Variants in NIPSNAP3A observed in about 807,000 individuals in gnomAD.
NIPSNAP3A encodes protein NipSnap homolog 3A.
NIPSNAP3A carries 27 observed loss-of-function variants against 32.3 expected under a neutral mutation model. The ratio of observed to expected loss-of-function variants is 0.84; its 90% confidence interval spans 0.62 to 1.15. NIPSNAP3A has a LOEUF of 1.15. Ranked by LOEUF, NIPSNAP3A falls within the 50% of genes most tolerant of loss-of-function variation. The pLI, the probability that NIPSNAP3A is intolerant of heterozygous loss-of-function variation, is 0.00. For synonymous variants in NIPSNAP3A, 108 were observed against 107.3 expected (o/e 1.01, Z -0.04); for missense variants, 278 against 297.2 (o/e 0.94, Z 0.48).
intron 4 of NIPSNAP3A, among the ~76,000 whole-genome samples, chr9:104,755,679 T>C (rs749870592): frequency 6.2e-4 from 94 of 152,212 alleles, no homozygotes; most frequent in Non-Finnish European, 1.1e-3. Context: ...CCAGCGCTTT[T>C]GGGAGGCTGA....
chr9:104,759,285 G>A lies in NIPSNAP3A; in HGVS notation c.691G>A (p.Val231Ile). Residue 231 changes from valine (V) to isoleucine (I), a missense_variant, in exon 6 of 6, where the codon GTA (valine) becomes ATA (isoleucine). Physicochemically the swap from Val to Ile is conservative, Grantham distance 29 (BLOSUM62 3). Coordinates refer to ENST00000374767, the MANE Select transcript of NIPSNAP3A (RefSeq NM_015469.3). ...AGTTCGGGAAAGTGTCAACTACCTAGTATCTCAGCAGAATATGCTTCTGAT... is the reference window on the plus strand; with the variant it reads ...AGTTCGGGAAAGTGTCAACTACCTAATATCTCAGCAGAATATGCTTCTGAT... ...AAVRESVNYL[V>I]SQQNMLLIPT... The A allele has an allele frequency of 6.2e-7, 1 of 1,614,098 alleles. No homozygotes were observed. The highest frequency in any genetic ancestry group is 8.5e-7 in the Non-Finnish European group (1 of 1,180,020).
chr9:104,751,576 T>G (rs1374818647), intron 2 of NIPSNAP3A, among the ~76,000 whole-genome samples: 3 of 152,188 alleles, frequency 2.0e-5, no homozygotes, highest in Non-Finnish European at 4.4e-5. Flanking sequence ...CTTTTCTCTT[T>G]TTGAAGCTAG....
chr9:104,753,132 C>G, intron 3 of NIPSNAP3A, 68 bp downstream of exon 3: 1 of 1,263,782 alleles, frequency 7.9e-7, no homozygotes, highest in Non-Finnish European at 1.2e-6. Flanking sequence ...GTGATCAAAA[C>G]TGAAGTTCCT....
At chr9:104,750,473 T>C (rs1827834791) in intron 1 of NIPSNAP3A, among the ~76,000 whole-genome samples, 1 of 152,182 alleles carries the variant, frequency 6.6e-6, no homozygotes, top group South Asian at 2.1e-4. Flanking sequence ...ACCTAAGGAC[T>C]TCCTAGAACT....
rs543447661 is a variant in NIPSNAP3A at position 104,759,755 on chromosome 9, GT to G, written c.*425del. ...CCTTTCCATCATGTCTGTTTTCCTG[GT>G]TTTTTTTGGTTGTTTTTTGACCAGT... On this transcript the variant is annotated 3_prime_UTR_variant, in exon 6 of 6. Transcript: ENST00000374767. 720 of 157,390 alleles carry G rather than the reference GT, an allele frequency of 4.6e-3. 5 individuals carry two copies. The highest frequency in any genetic ancestry group is 0.016 in the African/African-American group (679 of 41,378). 9.7% of individuals were successfully genotyped at this position (157,390 alleles called of 1,614,324 possible).
At chr9:104,757,216 G>A (rs1244224050) in intron 4 of NIPSNAP3A, among the ~76,000 whole-genome samples, 1 of 152,066 alleles carries the variant, frequency 6.6e-6, no homozygotes. Flanking sequence ...TTGGTAATCA[G>A]TACATCATTT....
At chr9:104,757,846 G>A in intron 4 of NIPSNAP3A, among the ~76,000 whole-genome samples, 1 of 151,910 alleles carries the variant, frequency 6.6e-6, no homozygotes, top group East Asian at 1.9e-4. Context: ...GAGGCTAGGA[G>A]TTCGAGACCA....
chr9:104,751,648 G>A (rs1827850163), intron 2 of NIPSNAP3A, among the ~76,000 whole-genome samples: 1 of 152,114 alleles, frequency 6.6e-6, no homozygotes, highest in Non-Finnish European at 1.5e-5. Flanking sequence ...TCACAATATG[G>A]AGGTTTATAG....
Position 104,759,259 on chromosome 9 carries a change from C to G in NIPSNAP3A, c.668-3C>G. On this transcript the variant is annotated splice_polypyrimidine_tract_variant and splice_region_variant and intron_variant, in intron 5 of 5. Transcript: ENST00000374767. ...TATGCCTTTCTATGAAATGTTTTTC[C>G]AGTTCGGGAAAGTGTCAACTACCTA... The G allele has an allele frequency of 6.2e-7, 1 of 1,613,996 alleles. No individual in the cohort carries two copies. Among genetic ancestry groups the G allele is most frequent in the Non-Finnish European group, 8.5e-7 (1 of 1,179,986 alleles).
In NIPSNAP3A at chr9:104,754,576, G is replaced by C. The variant is rs370954403; in HGVS notation, c.456G>C (p.Gln152His). Reference sequence around the variant, plus strand: ...GAGTCTATGAACTGGCCACTTTTCAGATGAAACCTGGTGGGCCAGCTCTGT... The same window carrying C: ...GAGTCTATGAACTGGCCACTTTTCACATGAAACCTGGTGGGCCAGCTCTGT... ...KEGVYELATF[Q>H]MKPGGPALWG... The change falls in exon 4 of 6, where the codon CAG (glutamine) becomes CAC (histidine). Residue 152 changes from glutamine to histidine, a missense_variant. Gln to His is a conservative substitution (Grantham distance 24, BLOSUM62 0). Coordinates refer to ENST00000374767, the MANE Select transcript of NIPSNAP3A (RefSeq NM_015469.3). 2 of 1,613,926 alleles carry C rather than the reference G, an allele frequency of 1.2e-6. No individual in the cohort carries two copies. The highest frequency in any genetic ancestry group is 1.7e-6 in the Non-Finnish European group (2 of 1,180,012).
intron 4 of NIPSNAP3A, among the ~76,000 whole-genome samples, chr9:104,755,010 G>T (rs1409378774): frequency 6.6e-6 from 1 of 152,006 alleles, no homozygotes; most frequent in East Asian, 1.9e-4. Context: ...GGAGGCTGAG[G>T]GGGTGGATCA....
chr9:104,748,498 G>A (rs1371720858), intron 1 of NIPSNAP3A, among the ~76,000 whole-genome samples: 1 of 152,194 alleles, frequency 6.6e-6, no homozygotes, highest in East Asian at 1.9e-4. Flanking sequence ...ATGACAGACA[G>A]ACTCTTTTAA....
Position 104,759,455 on chromosome 9 carries a change from C to A in NIPSNAP3A, c.*117C>A. 1 of 992,884 alleles carries A rather than the reference C, an allele frequency of 1.0e-6. No homozygotes were observed. The highest frequency in any genetic ancestry group is 1.5e-6 in the Non-Finnish European group (1 of 651,684). 61.5% of individuals were successfully genotyped at this position (992,884 alleles called of 1,614,324 possible). A position where few individuals can be genotyped will look rare whatever the true frequency, so the allele number is the denominator to read the frequency against. On this transcript the variant is annotated 3_prime_UTR_variant, in exon 6 of 6. Transcript: ENST00000374767. ...TTGAAGGAGGTGTTAAGTTAATTTG[C>A]TATGTTTCTTGCATTATGAAGGCTA...
Position 104,747,717 on chromosome 9 carries a change from T to C in NIPSNAP3A, c.-76T>C. 6.8e-7 allele frequency: 1 copy of C among 1,460,422 alleles called. No homozygotes were observed. Among genetic ancestry groups the C allele is most frequent in the Admixed American group, 1.9e-5 (1 of 51,604 alleles). The allele number at this position is 1,460,422 out of a possible 1,614,324, so 90.5% of individuals were successfully genotyped here. The stretch of plus-strand genomic sequence containing the variant: ...CTGCCAATGATCCAGGAGCCGCTCC[T>C]TTCCACTCGGGAAACCTTCAGAGGA... On this transcript the variant is annotated 5_prime_UTR_variant, in exon 1 of 6. Coordinates refer to ENST00000374767, the MANE Select transcript of NIPSNAP3A (RefSeq NM_015469.3).
intron 1 of NIPSNAP3A, among the ~76,000 whole-genome samples, chr9:104,748,665 C>T (rs1479611249): frequency 6.6e-6 from 1 of 152,144 alleles, no homozygotes; most frequent in African/African-American, 2.4e-5. Context: ...ATTAACCTGT[C>T]CTAGAGACAG....
At chr9:104,748,728 A>G (rs528192721) in intron 1 of NIPSNAP3A, among the ~76,000 whole-genome samples, 1 of 152,292 alleles carries the variant, frequency 6.6e-6, no homozygotes, top group East Asian at 1.9e-4. Context: ...CGGGTTAACA[A>G]TGCAGTTTTT....
chr9:104,747,902 C>T, intron 1 of NIPSNAP3A, 50 bp downstream of exon 1: 2 of 73,420 alleles, frequency 2.7e-5, no homozygotes, highest in Non-Finnish European at 3.5e-5. Flanking sequence ...AGGGGAGGGG[C>T]GGGGCGGGGA....
chr9:104,754,183 C>A (rs1386701189), intron 3 of NIPSNAP3A: 1 of 158,958 alleles, frequency 6.3e-6, no homozygotes, highest in African/African-American at 2.4e-5. Context: ...GAAAATTCTT[C>A]TTTTATTCTT....
chr9:104,755,452 A>G (rs1046904023), intron 4 of NIPSNAP3A, among the ~76,000 whole-genome samples: 1 of 152,004 alleles, frequency 6.6e-6, no homozygotes, highest in South Asian at 2.1e-4. Context: ...ATATATATCT[A>G]TATAGGGAGA....
Sources: allele counts gnomAD v4.1 joint callset (sites outside exome capture counted in the v4.1 genomes callset), GRCh38; gene constraint gnomAD v4.1.1; transcripts MANE v1.5; gene names NCBI Gene and HGNC (gene_info 2026-07-23, HGNC 2026-07-21).